Variants in HGS observed in about 807,000 individuals in gnomAD.
HGS encodes human growth factor-regulated tyrosine kinase substrate.
A neutral mutation model predicts 109.7 loss-of-function variants in HGS; 63 were observed. The observed-to-expected ratio is 0.57, with a 90% CI of 0.47 to 0.71. The LOEUF (loss-of-function observed/expected upper bound fraction) is 0.71, where lower values mean the gene tolerates loss of function less well. Ranked by LOEUF, HGS falls within the 30% of genes least tolerant of loss-of-function variation. The pLI is 0.00. For missense variants in HGS, 995 were observed against 1,068.3 expected, an observed-to-expected ratio of 0.93 and a Z score of 0.96; for synonymous variants, 546 against 437.3, an observed-to-expected ratio of 1.25 and a Z score of -3.10.
chr17:81,696,460 C>T lies in HGS; in HGVS notation c.1497C>T (p.Ala499=), dbSNP rs1010156256. ...ACCGGGAGAAGCTTCGCCGGGCAGC[C>T]GAGGAGGCAGAGCGCCAGCGCCAGA... ...EEHREKLRRA[A]EEAERQRQIQ... Residue 499 remains alanine, a synonymous_variant, in exon 16 of 22, where the codon GCC becomes GCT. Coordinates refer to ENST00000329138, the MANE Select transcript of HGS (RefSeq NM_004712.5). 9.7e-6 allele frequency: 15 copies of T among 1,540,258 alleles called. No homozygotes were observed. Among genetic ancestry groups the T allele is most frequent in the Non-Finnish European group, 1.1e-5 (13 of 1,144,324 alleles).
chr17:81,693,784 G>T, intron 10 of HGS, 32 bp downstream of exon 10: 5 of 1,544,122 alleles, frequency 3.2e-6, no homozygotes, highest in Non-Finnish European at 4.4e-6. Context: ...GGCCTCAGGA[G>T]GGGCCCAGCT....
intron 1 of HGS, chr17:81,684,396 T>C (rs992343503): frequency 1.2e-5 from 4 of 324,144 alleles, no homozygotes; most frequent in Admixed American, 9.9e-5. Flanking sequence ...CGATTTCCTC[T>C]TGACCGACGA....
In HGS at chr17:81,700,767, A is replaced by G. The variant is rs781310960; in HGVS notation, c.2089A>G (p.Met697Val). The G allele has an allele frequency of 9.6e-5, 155 of 1,612,482 alleles. No individual in the cohort carries two copies. Among genetic ancestry groups the G allele is most frequent in the Non-Finnish European group, 1.2e-4 (138 of 1,179,882 alleles). The change falls in exon 20 of 22, where the codon ATG becomes GTG. Residue 697 changes from methionine (M) to valine (V), a missense_variant. Met to Val is a conservative substitution (Grantham distance 21, BLOSUM62 1). Transcript: ENST00000329138. ...TCCGCAGTCCAGCACCATGGGCTAC[A>G]TGGGGAGCCAGTCAGTCTCCATGGG... is the stretch of plus-strand genomic sequence containing the variant. ...QPPQSSTMGYMGSQSVSMGYQ... is the reference protein window; with the variant it reads ...QPPQSSTMGYVGSQSVSMGYQ...
chr17:81,695,500 C>T (rs982436248), intron 14 of HGS, among the ~76,000 whole-genome samples: 3 of 152,236 alleles, frequency 2.0e-5, no homozygotes, highest in Non-Finnish European at 2.9e-5. Context: ...GAGTCCTTGG[C>T]GTTGCCTGGG....
chr17:81,695,267 C>G, intron 14 of HGS, 44 bp downstream of exon 14: 6 of 1,590,910 alleles, frequency 3.8e-6, no homozygotes, highest in Non-Finnish European at 4.3e-6. Flanking sequence ...AACATGGCCT[C>G]CTGGCCCACA....
chr17:81,695,427 G>A (rs2037130755), intron 14 of HGS, among the ~76,000 whole-genome samples: 1 of 152,214 alleles, frequency 6.6e-6, no homozygotes, highest in South Asian at 2.1e-4. Flanking sequence ...TCCAGAGCTC[G>A]GGCCACTCTC....
rs2037118438 is a variant in HGS at position 81,694,839 on chromosome 17, G to A, written c.961G>A (p.Asp321Asn). The A allele has an allele frequency of 6.2e-7, 1 of 1,614,268 alleles. No homozygotes were observed. The highest frequency in any genetic ancestry group is 8.5e-7 in the Non-Finnish European group (1 of 1,180,046). ...GAACTCGTCGGCGCCTCTGGCTGAG[G>A]ACATCGACCCTGAGGTAAGGCCCAG... ...PVNSSAPLAE[D>N]IDPELARYLN... The change falls in exon 12 of 22, where the codon GAC (aspartate) becomes AAC (asparagine). Residue 321 changes from aspartate (D) to asparagine (N), a missense_variant. By Grantham distance (23) the Asp-to-Asn change is conservative. Transcript: ENST00000329138.
chr17:81,692,575 G>A (rs2037081031), intron 8 of HGS: 3 of 152,280 alleles, frequency 2.0e-5, no homozygotes, highest in South Asian at 2.1e-4. Context: ...GTGAGCCAGC[G>A]GCTCCATGGC....
Position 81,700,590 on chromosome 17 carries a change from C to A in HGS, c.2006C>A (p.Ala669Glu). ...TCATCCTACCAGCCTACTCCCACAG[C>A]GGGCTACCAGGTACACAGGAAGGCC... The part of the protein sequence containing the change: ...AYSSYQPTPT[A>E]GYQNVASQAP... Residue 669 changes from alanine to glutamate, a missense_variant, in exon 19 of 22, where the codon GCG becomes GAG. This residue lies in a region of HGS where 326 missense variants were observed against 309.7 expected (regional missense o/e 1.05). Transcript: ENST00000329138. 6.2e-7 allele frequency: 1 copy of A among 1,605,514 alleles called. No individual in the cohort carries two copies. Among genetic ancestry groups the A allele is most frequent in the Non-Finnish European group, 8.5e-7 (1 of 1,175,252 alleles).
intron 15 of HGS, 164 bp downstream of exon 15, chr17:81,696,163 A>ATGCCC (rs58903919): frequency 0.1 from 79,749 of 768,648 alleles, 5,376 homozygotes; most frequent in Admixed American, 0.16. Flanking sequence ...AGTGATGACC[A>ATGCCC]TGCCCTGCCC....
intron 6 of HGS, 191 bp downstream of exon 6, chr17:81,690,425 G>A: frequency 4.4e-6 from 3 of 675,182 alleles, no homozygotes; most frequent in South Asian, 3.7e-5. Context: ...CGTGGCTTGA[G>A]GGCCTTTAGA....
chr17:81,693,639 C>T lies in HGS; in HGVS notation c.742-15C>T, dbSNP rs566809383. The T allele has an allele frequency of 6.5e-7, 1 of 1,549,252 alleles. No individual in the cohort carries two copies. The highest frequency in any genetic ancestry group is 2.3e-5 in the East Asian group (1 of 42,916). On this transcript the variant is annotated splice_polypyrimidine_tract_variant and intron_variant, in intron 9 of 21. Coordinates refer to ENST00000329138, the MANE Select transcript of HGS (RefSeq NM_004712.5). The stretch of plus-strand genomic sequence containing the variant: ...TTCCCCGGCGCCCCCCCTCACCCTC[C>T]CCGCTTGTCCTCAGCTGCCCCCCAA...
Position 81,687,069 on chromosome 17 carries a change from A to G in HGS, c.265A>G (p.Met89Val), listed in dbSNP as rs1408298864. The change falls in exon 4 of 22, where the codon ATG becomes GTG. Residue 89 changes from methionine to valine, a missense_variant. Met to Val is a conservative substitution (Grantham distance 21). Coordinates refer to ENST00000329138, the MANE Select transcript of HGS (RefSeq NM_004712.5). ...TGATGAGGTGGCCAACAAGCAGACC[A>G]TGGAGGAGCTGAAGGACCTGCTGAA... ...VHDEVANKQT[M>V]EELKDLLKRQ... 1 of 1,613,272 alleles carries G rather than the reference A, an allele frequency of 6.2e-7. No homozygotes were observed. The highest frequency in any genetic ancestry group is 8.5e-7 in the Non-Finnish European group (1 of 1,179,864).
chr17:81,696,036 A>C, intron 15 of HGS, 37 bp downstream of exon 15: 1 of 1,507,840 alleles, frequency 6.6e-7, no homozygotes, highest in Non-Finnish European at 8.9e-7. Flanking sequence ...GCTCAGGGGC[A>C]GCCAGGTGTT....
Position 81,694,871 on chromosome 17 carries a change from G to A in HGS, c.975+18G>A, listed in dbSNP as rs1446258709. 1 of 1,614,076 alleles carries A rather than the reference G, an allele frequency of 6.2e-7. No individual in the cohort carries two copies. The highest frequency in any genetic ancestry group is 8.5e-7 in the Non-Finnish European group (1 of 1,180,002). On this transcript the variant is annotated intron_variant, in intron 12 of 21. Coordinates refer to ENST00000329138, the MANE Select transcript of HGS (RefSeq NM_004712.5). ...ACCCTGAGGTAAGGCCCAGCATGGG[G>A]TGCATCCTCTCACGGTTTCTGGCCT...
rs1410464474 is a variant in HGS at position 81,691,288 on chromosome 17, C to T, written c.538-159C>T. 7.3e-6 allele frequency: 6 copies of T among 825,300 alleles called. No individual in the cohort carries two copies. The highest frequency in any genetic ancestry group is 1.7e-5 in the African/African-American group (1 of 59,058). 51.1% of individuals were successfully genotyped at this position (825,300 alleles called of 1,614,324 possible). A position where few individuals can be genotyped will look rare whatever the true frequency, so the allele number is the denominator to read the frequency against. ...AGACTCCCGGGAGCATGTCCAGGTT[C>T]CCCGGCCTTAGGGTCTTCCCAGGCA... On this transcript the variant is annotated intron_variant, in intron 7 of 21. Coordinates refer to ENST00000329138, the MANE Select transcript of HGS (RefSeq NM_004712.5). The surrounding 1 kb of genome is among the most constrained non-coding windows in gnomAD (Gnocchi z 5.3).
In HGS at chr17:81,695,874, T is replaced by A; in HGVS notation, c.1268T>A (p.Met423Lys). 6.2e-7 allele frequency: 1 copy of A among 1,613,482 alleles called. No individual in the cohort carries two copies. Among genetic ancestry groups the A allele is most frequent in the South Asian group, 1.1e-5 (1 of 91,086 alleles). ...GCCGTCACCACCTTCGTGAACCGCA[T>A]GAAGAGTAACCACATGCGGGGCCGC... The part of the protein sequence containing the change: ...QNAVTTFVNR[M>K]KSNHMRGRSI... Residue 423 changes from methionine (M) to lysine (K), a missense_variant, in exon 15 of 22, where the codon ATG (methionine) becomes AAG (lysine). Physicochemically the swap from Met to Lys is moderately conservative, Grantham distance 95 (BLOSUM62 -1). Transcript: ENST00000329138.
chr17:81,691,343 A>T lies in HGS; in HGVS notation c.538-104A>T. Reference sequence around the variant, plus strand: ...TTCTGCTTGTCCCTTGCCTTCCCCCACCTGTGAGGCCCAGCTTCGGCATCG... The same window carrying T: ...TTCTGCTTGTCCCTTGCCTTCCCCCTCCTGTGAGGCCCAGCTTCGGCATCG... On this transcript the variant is annotated intron_variant, in intron 7 of 21. Coordinates refer to ENST00000329138, the MANE Select transcript of HGS (RefSeq NM_004712.5). This position sits in a 1 kb window ranked among gnomAD's most constrained non-coding sequence, Gnocchi z 5.3. 2 of 1,438,886 alleles carry T rather than the reference A, an allele frequency of 1.4e-6. No individual in the cohort carries two copies. The highest frequency in any genetic ancestry group is 1.9e-6 in the Non-Finnish European group (2 of 1,044,778). 89.1% of individuals were successfully genotyped at this position (1,438,886 alleles called of 1,614,324 possible).
chr17:81,701,395 C>G, intron 21 of HGS, 113 bp from the exon 22 acceptor site: 2 of 1,179,194 alleles, frequency 1.7e-6, no homozygotes, highest in Non-Finnish European at 2.4e-6. Flanking sequence ...AGCTGCAGTC[C>G]GTGGACATGG....
Sources: allele counts gnomAD v4.1 joint callset (sites outside exome capture counted in the v4.1 genomes callset), GRCh38; gene constraint gnomAD v4.1.1; regional missense constraint gnomAD v4.1.1; non-coding constraint Gnocchi (gnomAD v3.1); transcripts MANE v1.5; gene names NCBI Gene and HGNC (gene_info 2026-07-23, HGNC 2026-07-21).